HIRA: variants seen among roughly 807,000 people sequenced by gnomAD.
HIRA encodes protein HIRA.
In HIRA, 13 loss-of-function variants were observed where a neutral mutation model predicts 126.6. The observed-to-expected ratio is 0.10, with a 90% CI of 0.07 to 0.16. The LOEUF is 0.16. Ranked by LOEUF, HIRA falls within the 10% of genes least tolerant of loss-of-function variation. The pLI is 1.00. For missense variants in HIRA, 834 were observed against 1,314.4 expected (o/e 0.63, Z 5.65); for synonymous variants, 511 against 520.0 (o/e 0.98, Z 0.24).
chr22:19,373,931 C>CTTTTTTTTTTTTTTTT lies in HIRA; in HGVS notation c.1775+1699_1775+1700insAAAAAAAAAAAAAAAA, dbSNP rs1254884863. ...GGTGCAGTTCTGCTCACTGCTCTGG[C>CTTTTTTTTTTTTTTTT]TTTTTTGTTCACTCTTAGATTTTAG... On this transcript the variant is annotated intron_variant, in intron 15 of 24. Transcript: ENST00000263208. Among the ~76,000 whole-genome samples the CTTTTTTTTTTTTTTTT allele has an allele frequency of 1.0e-4, 15 of 149,852 alleles. 1 individual carries two copies. The highest frequency in any genetic ancestry group is 2.0e-4 in the East Asian group (1 of 5,102).
At position 19,344,767 on chromosome 22, in the gene HIRA, A is replaced by C. The variant is rs549239458; in HGVS notation, c.2937+6591T>G. On this transcript the variant is annotated intron_variant, in intron 24 of 24. Coordinates refer to ENST00000263208, the MANE Select transcript of HIRA (RefSeq NM_003325.4). The stretch of plus-strand genomic sequence containing the variant: ...AGCAAACAGAATTCCAAAGTACATT[A>C]AAAGAATTATACACCATGACCAAGT... Among the ~76,000 whole-genome samples, 24 of 152,320 alleles carry C rather than the reference A, an allele frequency of 1.6e-4. No homozygotes were observed. In the East Asian group the frequency reaches 4.0e-3, roughly 26 times the overall value.
intron 1 of HIRA, among the ~76,000 whole-genome samples, chr22:19,415,508 G>C (rs767814707): frequency 2.0e-5 from 3 of 152,160 alleles, no homozygotes; most frequent in Non-Finnish European, 4.4e-5. Context: ...AAGATGTTAG[G>C]CTGGGCACAG....
At chr22:19,425,367 T>C (rs1480379678) in intron 1 of HIRA, among the ~76,000 whole-genome samples, 1 of 152,192 alleles carries the variant, frequency 6.6e-6, no homozygotes, top group African/African-American at 2.4e-5. Flanking sequence ...TGCTAGACAC[T>C]TCTGCAGTCC....
chr22:19,351,122 C>A lies in HIRA; in HGVS notation c.2937+236G>T. 1.0e-6 allele frequency: 1 copy of A among 985,334 alleles called. No homozygotes were observed. Among genetic ancestry groups the A allele is most frequent in the Non-Finnish European group, 1.2e-6 (1 of 829,894 alleles). 61.0% of individuals were successfully genotyped at this position (985,334 alleles called of 1,614,324 possible). On this transcript the variant is annotated intron_variant, in intron 24 of 24. Coordinates refer to ENST00000263208, the MANE Select transcript of HIRA (RefSeq NM_003325.4). The surrounding 1 kb of genome is among the most constrained non-coding windows in gnomAD (Gnocchi z 4.8). ...AGCCCAGAGCCCCTGCAGGCAGCCT[C>A]CCTCAGCACAGGCACGTGGCGGAGC...
chr22:19,352,012 A>G (rs1276384489), intron 23 of HIRA, among the ~76,000 whole-genome samples: 3 of 152,092 alleles, frequency 2.0e-5, no homozygotes, highest in African/African-American at 7.2e-5. Context: ...GGGCAGCTAA[A>G]GCAATAGGGA....
At chr22:19,421,017 G>C (rs993432553) in intron 1 of HIRA, among the ~76,000 whole-genome samples, 2 of 152,042 alleles carry the variant, frequency 1.3e-5, no homozygotes, top group Admixed American at 6.5e-5. Flanking sequence ...TGCACAGCAG[G>C]CTGGGCGCAG....
At chr22:19,420,473 A>C (rs946891218) in intron 1 of HIRA, among the ~76,000 whole-genome samples, 2 of 149,066 alleles carry the variant, frequency 1.3e-5, no homozygotes, top group African/African-American at 4.9e-5. Context: ...AAAAAAAAAA[A>C]AAAAAAAACC....
chr22:19,416,162 G>A (rs1228372046), intron 1 of HIRA, among the ~76,000 whole-genome samples: 3 of 152,128 alleles, frequency 2.0e-5, no homozygotes, highest in Non-Finnish European at 2.9e-5. Flanking sequence ...ATGGTGCTGC[G>A]AAAACTGCAC....
At chr22:19,386,241 G>A (rs977858734) in intron 11 of HIRA, among the ~76,000 whole-genome samples, 10 of 152,276 alleles carry the variant, frequency 6.6e-5, no homozygotes, top group African/African-American at 2.4e-4. Context: ...GCACAGCAGG[G>A]CTGGGGAGCC....
At chr22:19,425,063 G>A (rs996022253) in intron 1 of HIRA, among the ~76,000 whole-genome samples, 16 of 152,096 alleles carry the variant, frequency 1.1e-4, no homozygotes, top group African/African-American at 3.9e-4. Flanking sequence ...GGGCCAAAAT[G>A]GCATCACATG....
chr22:19,369,109 C>T (rs552176689), intron 15 of HIRA, among the ~76,000 whole-genome samples: 2 of 152,224 alleles, frequency 1.3e-5, no homozygotes, highest in East Asian at 2.0e-4. Context: ...GGCTGCCCCC[C>T]TTACAAATGG....
chr22:19,357,211 G>GTGGGGCTGT (rs1485582311), intron 18 of HIRA, among the ~76,000 whole-genome samples, 160 bp from the exon 19 acceptor site: 2 of 152,218 alleles, frequency 1.3e-5, no homozygotes, highest in African/African-American at 2.4e-5. Flanking sequence ...GGTAGGGCTG[G>GTGGGGCTGT]TGGGGCTGTT....
intron 24 of HIRA, among the ~76,000 whole-genome samples, chr22:19,340,804 C>T (rs571050454): frequency 6.6e-6 from 1 of 152,238 alleles, no homozygotes; most frequent in East Asian, 1.9e-4. Context: ...CGGAATATAC[C>T]TAACCAAGGA....
intron 15 of HIRA, among the ~76,000 whole-genome samples, chr22:19,369,055 C>A (rs1451190939): frequency 6.6e-6 from 1 of 152,164 alleles, no homozygotes; most frequent in South Asian, 2.1e-4. Flanking sequence ...CAGCAGTTGC[C>A]CAATGGGTCT....
chr22:19,365,974 A>G (rs367910373), intron 15 of HIRA: 1 of 152,258 alleles, frequency 6.6e-6, no homozygotes, highest in Non-Finnish European at 1.5e-5. Context: ...TCTTGTGTTG[A>G]TAAGTAGTGG....
rs773322057 is a variant in HIRA, at chr22:19,385,697, T to C, written c.1153A>G (p.Ile385Val). ...HQSTYGKSLA[I>V]MTEAQLSTAV... ...GTGGAGAGCTGGGCCTCGGTCATGA[T>C]GGCTAGGCTCTTGCCATAGGTGGAC... The change falls in exon 12 of 25, where the codon ATC (isoleucine) becomes GTC (valine). Residue 385 changes from isoleucine to valine, a missense_variant. Physicochemically the swap from Ile to Val is conservative, Grantham distance 29. Transcript: ENST00000263208. 1.2e-6 allele frequency: 2 copies of C among 1,614,094 alleles called. No individual in the cohort carries two copies. Among genetic ancestry groups the C allele is most frequent in the East Asian group, 4.5e-5 (2 of 44,888 alleles).
At chr22:19,390,505 C>T (rs964139864) in intron 9 of HIRA, among the ~76,000 whole-genome samples, 4 of 148,352 alleles carry the variant, frequency 2.7e-5, no homozygotes, top group East Asian at 2.0e-4. Context: ...AGGAGAATCT[C>T]GCTCGAACCC....
At chr22:19,423,138 T>A (rs975108190) in intron 1 of HIRA, among the ~76,000 whole-genome samples, 1 of 152,212 alleles carries the variant, frequency 6.6e-6, no homozygotes, top group African/African-American at 2.4e-5. Context: ...ATCTGACTCC[T>A]GCAACAAGGC....
chr22:19,381,067 A>G lies in HIRA; in HGVS notation c.1415+2553T>C, dbSNP rs143437200. Among the ~76,000 whole-genome samples the G allele has an allele frequency of 2.0e-5, 3 of 152,310 alleles. No individual in the cohort carries two copies. In the East Asian group the frequency reaches 5.8e-4, roughly 29 times the overall value. ...TAATCAATGGTATGAATTTCTAGTT[A>G]TTTCTTTGAGTTTTCTTTGAAGCCT... is the stretch of plus-strand genomic sequence containing the variant. On this transcript the variant is annotated intron_variant, in intron 13 of 24. Transcript: ENST00000263208.
Sources: allele counts gnomAD v4.1 joint callset (sites outside exome capture counted in the v4.1 genomes callset), GRCh38; gene constraint gnomAD v4.1.1; non-coding constraint Gnocchi (gnomAD v3.1); transcripts MANE v1.5; gene names NCBI Gene and HGNC (gene_info 2026-07-23, HGNC 2026-07-21).